The following CCDC91 variants were observed in gnomAD, a reference collection of about 807,000 sequenced individuals.
CCDC91 encodes coiled-coil domain-containing protein 91.
In CCDC91, 48 loss-of-function variants were observed where a neutral mutation model predicts 63.2. The observed-to-expected ratio is 0.76, with a 90% CI of 0.60 to 0.97. The LOEUF is 0.97. Ranked by LOEUF, CCDC91 falls within the 50% of genes least tolerant of loss-of-function variation. The pLI, the probability that CCDC91 is intolerant of heterozygous loss-of-function variation, is 0.00. For synonymous variants in CCDC91, 167 were observed against 165.8 expected, an observed-to-expected ratio of 1.01 and a Z score of -0.06; for missense variants, 500 against 494.6, an observed-to-expected ratio of 1.01 and a Z score of -0.10.
chr12:28,233,489 T>G (rs1214367618), intron 1 of CCDC91, among the ~76,000 whole-genome samples: 2 of 152,192 alleles, frequency 1.3e-5, no homozygotes, highest in African/African-American at 4.8e-5. Context: ...TGTTAATATT[T>G]AATTCAGAGA....
intron 10 of CCDC91, among the ~76,000 whole-genome samples, chr12:28,451,475 G>A (rs1440729319): frequency 6.6e-6 from 1 of 151,654 alleles, no homozygotes; most frequent in East Asian, 1.9e-4. Flanking sequence ...TTGGAATAGA[G>A]TTTGAGGTGA....
At chr12:28,231,142 C>T (rs934388387) in intron 1 of CCDC91, among the ~76,000 whole-genome samples, 13 of 151,946 alleles carry the variant, frequency 8.6e-5, no homozygotes, top group African/African-American at 2.9e-4. Context: ...TGATACTTTT[C>T]TATGTTGTAA....
At chr12:28,367,615 A>G (rs1018923766) in intron 7 of CCDC91, among the ~76,000 whole-genome samples, 6 of 152,222 alleles carry the variant, frequency 3.9e-5, no homozygotes, top group African/African-American at 1.2e-4. Context: ...TTGGCAAAAG[A>G]TAATACTGCA....
chr12:28,290,541 T>A (rs1392698191), intron 3 of CCDC91, among the ~76,000 whole-genome samples: 1 of 152,200 alleles, frequency 6.6e-6, no homozygotes, highest in Non-Finnish European at 1.5e-5. Context: ...TTTGATTCTG[T>A]CATCATGATG....
chr12:28,314,887 C>A (rs1939683465), intron 6 of CCDC91, among the ~76,000 whole-genome samples: 2 of 151,930 alleles, frequency 1.3e-5, no homozygotes, highest in Non-Finnish European at 2.9e-5. Flanking sequence ...TGTGAGAGAT[C>A]AATCATTGTG....
At chr12:28,298,606 T>C (rs1937675950) in intron 3 of CCDC91, among the ~76,000 whole-genome samples, 2 of 151,364 alleles carry the variant, frequency 1.3e-5, no homozygotes, top group South Asian at 2.1e-4. Flanking sequence ...CACACCTGAA[T>C]CTGCTATTTA....
chr12:28,482,166 CAG>C (rs1383917220), intron 11 of CCDC91, among the ~76,000 whole-genome samples: 2 of 151,824 alleles, frequency 1.3e-5, no homozygotes, highest in Non-Finnish European at 2.9e-5. Context: ...TGTTATATTT[CAG>C]AGAGCTTAGT....
At chr12:28,424,288 T>G (rs1276217091) in intron 8 of CCDC91, among the ~76,000 whole-genome samples, 1 of 152,146 alleles carries the variant, frequency 6.6e-6, no homozygotes, top group Non-Finnish European at 1.5e-5. Context: ...TTTTCCAAAT[T>G]GAAGAATCCA....
At chr12:28,431,707 T>C (rs1948636656) in intron 8 of CCDC91, among the ~76,000 whole-genome samples, 1 of 152,022 alleles carries the variant, frequency 6.6e-6, no homozygotes, top group Non-Finnish European at 1.5e-5. Context: ...GAATTCCCTG[T>C]ACCTTTGTTA....
chr12:28,399,884 C>T (rs771210946), intron 8 of CCDC91, among the ~76,000 whole-genome samples: 2 of 152,202 alleles, frequency 1.3e-5, no homozygotes, highest in Non-Finnish European at 2.9e-5. Context: ...GGGTACAGGC[C>T]TCCTCCTGGC....
intron 3 of CCDC91, among the ~76,000 whole-genome samples, chr12:28,265,919 A>G (rs1030815096): frequency 2.6e-5 from 4 of 152,092 alleles, no homozygotes; most frequent in Non-Finnish European, 5.9e-5. Flanking sequence ...TTGTCAGGAC[A>G]TAAACCAGAT....
chr12:28,217,680 A>G (rs1485972629), intron 1 of CCDC91, among the ~76,000 whole-genome samples: 9 of 152,078 alleles, frequency 5.9e-5, no homozygotes, highest in African/African-American at 2.2e-4. Flanking sequence ...AGAAGTAGGT[A>G]AGTATGGGCA....
At chr12:28,389,150 C>T (rs1945787034) in intron 7 of CCDC91, among the ~76,000 whole-genome samples, 1 of 152,080 alleles carries the variant, frequency 6.6e-6, no homozygotes, top group South Asian at 2.1e-4. Context: ...TTCTTATCTA[C>T]TGAATGTTCT....
chr12:28,526,512 G>A (rs564430347), intron 12 of CCDC91, among the ~76,000 whole-genome samples: 3 of 152,124 alleles, frequency 2.0e-5, no homozygotes, highest in African/African-American at 4.8e-5. Context: ...GTTACCTGGT[G>A]TTTTTGCCTC....
chr12:28,203,583 A>G (rs559222308), intron 1 of CCDC91, among the ~76,000 whole-genome samples: 1 of 152,352 alleles, frequency 6.6e-6, no homozygotes, highest in East Asian at 1.9e-4. Flanking sequence ...TAGTGCTGTG[A>G]AAATTCTGCA....
At chr12:28,416,574 G>A (rs1947676109) in intron 8 of CCDC91, among the ~76,000 whole-genome samples, 1 of 152,090 alleles carries the variant, frequency 6.6e-6, no homozygotes, top group Non-Finnish European at 1.5e-5. Context: ...AGGGGGAATT[G>A]TTGCTAAACT....
At chr12:28,337,669 A>G (rs1197770447) in intron 6 of CCDC91, among the ~76,000 whole-genome samples, 74 of 152,216 alleles carry the variant, frequency 4.9e-4, no homozygotes, top group Admixed American at 4.8e-3. Context: ...CTATTGATCC[A>G]CTTAATACAT....
At chr12:28,190,770 C>G (rs756630736) in intron 1 of CCDC91, 129 bp downstream of exon 1, 1 of 152,354 alleles carries the variant, frequency 6.6e-6, no homozygotes, top group African/African-American at 2.4e-5. Context: ...GCTGCGGCCT[C>G]GCCCTTGGCT....
chr12:28,541,710 A>G (rs1942641506), intron 12 of CCDC91, among the ~76,000 whole-genome samples: 1 of 152,076 alleles, frequency 6.6e-6, no homozygotes, highest in South Asian at 2.1e-4. Context: ...TCTTGAAAAA[A>G]AAGATATAGG....
Sources: allele counts gnomAD v4.1 joint callset (sites outside exome capture counted in the v4.1 genomes callset), GRCh38; gene constraint gnomAD v4.1.1; transcripts MANE v1.5; gene names NCBI Gene and HGNC (gene_info 2026-07-23, HGNC 2026-07-21).